The following MBTPS1 variants were observed in gnomAD, a reference collection of about 807,000 sequenced individuals.
MBTPS1 encodes the protein membrane bound transcription factor peptidase, site 1, also known as membrane-bound transcription factor site-1 protease.
MBTPS1 carries 94 observed loss-of-function variants against 127.8 expected under a neutral mutation model. The observed-to-expected ratio is 0.74, with a 90% CI of 0.62 to 0.87. The LOEUF is 0.87. MBTPS1 is among the 40% of genes least tolerant of loss of function. The probability of loss-of-function intolerance (pLI) is 0.00; values close to 1 mark genes in which losing one functional copy is unlikely to be tolerated. For missense variants in MBTPS1, 1,636 were observed against 1,353.2 expected (o/e 1.21, Z -3.28); for synonymous variants, 632 against 509.4 (o/e 1.24, Z -3.24).
chr16:84,085,108 C>T lies in MBTPS1; in HGVS notation c.1161G>A (p.Met387Ile), dbSNP rs2086001431. 1 of 1,614,250 alleles carries T rather than the reference C, an allele frequency of 6.2e-7. No homozygotes were observed. Among genetic ancestry groups the T allele is most frequent in the Non-Finnish European group, 8.5e-7 (1 of 1,180,050 alleles). The change falls in exon 10 of 23, where the codon ATG becomes ATA. Residue 387 changes from methionine (M) to isoleucine (I), a missense_variant. Transcript: ENST00000343411. The stretch of plus-strand genomic sequence containing the variant: ...CACCATAGGTGACAATGTCAGGTTT[C>T]ATGCGACCGTAGCCTCCTGGTAGCT... The part of the protein sequence containing the change: ...TWELPGGYGR[M>I]KPDIVTYGAG...
Position 84,065,117 on chromosome 16 carries a change from G to C in MBTPS1, c.2431+573C>G, listed in dbSNP as rs186514662. Among the ~76,000 whole-genome samples, 139 of 149,088 alleles carry C rather than the reference G, an allele frequency of 9.3e-4. 2 individuals carry two copies. In the East Asian group the frequency reaches 0.026, roughly 28 times the overall value. On this transcript the variant is annotated intron_variant, in intron 18 of 22. Coordinates refer to ENST00000343411, the MANE Select transcript of MBTPS1 (RefSeq NM_003791.4). ...AAAAAATTCATCAAGTAACCTTGAA[G>C]GTAGTTTTTTTTTTTTTTTTGAGAT...
intron 8 of MBTPS1, among the ~76,000 whole-genome samples, chr16:84,090,487 G>C (rs557771200): frequency 6.6e-6 from 1 of 152,136 alleles, no homozygotes; most frequent in East Asian, 1.9e-4. Flanking sequence ...AACCTCTTCC[G>C]TTTGCCTCTT....
chr16:84,100,999 C>CAAAAAAAAAAAAAAA (rs562200642), intron 2 of MBTPS1, among the ~76,000 whole-genome samples: 1 of 68,552 alleles, frequency 1.5e-5, no homozygotes, highest in Admixed American at 1.7e-4. Flanking sequence ...ACTAAAAATA[C>CAAAAAAAAAAAAAAA]AAAAAAAAAA....
intron 18 of MBTPS1, 38 bp from the exon 19 acceptor site, chr16:84,063,483 T>C (rs2085642716): frequency 3.1e-6 from 5 of 1,601,954 alleles, no homozygotes; most frequent in Non-Finnish European, 4.3e-6. Flanking sequence ...CCATGAGAGT[T>C]TCCACTGAGC....
intron 8 of MBTPS1, among the ~76,000 whole-genome samples, chr16:84,088,982 C>G (rs1326555157): frequency 1.3e-5 from 2 of 152,228 alleles, no homozygotes; most frequent in East Asian, 1.9e-4. Flanking sequence ...ACCATAAACT[C>G]ACAACTCTGG....
chr16:84,078,507 A>G (rs1341676145), intron 11 of MBTPS1, among the ~76,000 whole-genome samples: 1 of 152,072 alleles, frequency 6.6e-6, no homozygotes, highest in South Asian at 2.1e-4. Context: ...ACCTTACCTA[A>G]CAGAGCTACC....
chr16:84,074,687 G>A lies in MBTPS1; in HGVS notation c.1503C>T (p.Cys501=). ...LTECPYMWPY[C]SQPIYYGGMP... ...TTCCTCCATAGTAGATGGGCTGGGA[G>A]CAGTAGGGCCACATGTAGGGACACT... Residue 501 remains cysteine, a synonymous_variant, in exon 12 of 23, where the codon TGC becomes TGT. Coordinates refer to ENST00000343411, the MANE Select transcript of MBTPS1 (RefSeq NM_003791.4). 4.3e-6 allele frequency: 7 copies of A among 1,614,104 alleles called. No homozygotes were observed. The highest frequency in any genetic ancestry group is 5.9e-6 in the Non-Finnish European group (7 of 1,179,944).
intron 17 of MBTPS1, among the ~76,000 whole-genome samples, chr16:84,066,127 C>T (rs1478499270): frequency 1.3e-5 from 2 of 152,164 alleles, no homozygotes; most frequent in African/African-American, 2.4e-5. Context: ...GTTCTCAAAA[C>T]CAGCTACCAA....
intron 19 of MBTPS1, among the ~76,000 whole-genome samples, chr16:84,062,691 T>C (rs1468735415): frequency 6.6e-6 from 1 of 152,090 alleles, no homozygotes; most frequent in East Asian, 1.9e-4. Flanking sequence ...CTTTACAAAA[T>C]GAGAAAAATA....
intron 9 of MBTPS1, 55 bp from the exon 10 acceptor site, chr16:84,085,189 T>A: frequency 6.4e-7 from 1 of 1,557,302 alleles, no homozygotes; most frequent in Non-Finnish European, 8.8e-7. Flanking sequence ...TACAGCCGCA[T>A]GCAATCATGA....
chr16:84,084,017 T>C (rs953023173), intron 10 of MBTPS1, among the ~76,000 whole-genome samples: 1 of 152,224 alleles, frequency 6.6e-6, no homozygotes, highest in African/African-American at 2.4e-5. Flanking sequence ...TGGAGTGCAG[T>C]GGCACGATCT....
chr16:84,113,749 T>C (rs1344652236), intron 1 of MBTPS1, among the ~76,000 whole-genome samples: 1 of 152,228 alleles, frequency 6.6e-6, no homozygotes, highest in African/African-American at 2.4e-5. Context: ...ATGCCTTGCT[T>C]TGTAATAAAC....
At chr16:84,092,483 C>T (rs562073431) in intron 6 of MBTPS1, among the ~76,000 whole-genome samples, 1 of 152,230 alleles carries the variant, frequency 6.6e-6, no homozygotes, top group East Asian at 1.9e-4. Context: ...TATATTTTCT[C>T]ATATACACCA....
intron 21 of MBTPS1, among the ~76,000 whole-genome samples, 196 bp downstream of exon 21, chr16:84,059,106 C>CT (rs1444867732): frequency 6.6e-6 from 1 of 152,194 alleles, no homozygotes; most frequent in African/African-American, 2.4e-5. Context: ...ATCCAAAGCA[C>CT]TTTTTATGCA....
chr16:84,093,774 G>A lies in MBTPS1; in HGVS notation c.673C>T (p.His225Tyr). 1 of 1,614,030 alleles carries A rather than the reference G, an allele frequency of 6.2e-7. No homozygotes were observed. The highest frequency in any genetic ancestry group is 8.5e-7 in the Non-Finnish European group (1 of 1,179,954). The change falls in exon 5 of 23, where the codon CAT (histidine) becomes TAT (tyrosine). Residue 225 changes from histidine (H) to tyrosine (Y), a missense_variant. His to Tyr is a moderately conservative substitution (Grantham distance 83, BLOSUM62 2). Transcript: ENST00000343411. ...TCCTTCACATTTTTGAAGTGGGGAT[G>A]CTTCTCGCTCAGCCCAGTGTCAAAA... ...AVFDTGLSEK[H>Y]PHFKNVKERT...
chr16:84,060,115 C>G lies in MBTPS1; in HGVS notation c.2704+567G>C, dbSNP rs80324764. 498 of 153,144 alleles carry G rather than the reference C, an allele frequency of 3.3e-3. 1 individual carries two copies. The highest frequency in any genetic ancestry group is 4.9e-3 in the Non-Finnish European group (333 of 68,626). 9.5% of individuals were successfully genotyped at this position (153,144 alleles called of 1,614,324 possible). A position where few individuals can be genotyped will look rare whatever the true frequency, so the allele number is the denominator to read the frequency against. On this transcript the variant is annotated intron_variant, in intron 20 of 22. Transcript: ENST00000343411. Reference sequence around the variant, plus strand: ...CACTGATACCCACCCCACTAAGTGCCAAGCAGCTGGCGGCCCCACGGCACC... The same window carrying G: ...CACTGATACCCACCCCACTAAGTGCGAAGCAGCTGGCGGCCCCACGGCACC...
rs557148045 is a variant in MBTPS1 at position 84,074,486 on chromosome 16, G to A, written c.1593+111C>T. The A allele has an allele frequency of 9.6e-5, 104 of 1,084,328 alleles. 1 individual carries two copies. The South Asian group carries it at 9.6e-4, about 10-fold the overall frequency. The allele number at this position is 1,084,328 out of a possible 1,614,324, so 67.2% of individuals were successfully genotyped here. On this transcript the variant is annotated intron_variant, in intron 12 of 22. Coordinates refer to ENST00000343411, the MANE Select transcript of MBTPS1 (RefSeq NM_003791.4). ...TGGGCTCAAGTGATCCTCTCTCCTC[G>A]GCCTAGAACTTTTCCTTTTTTAACT...
chr16:84,055,222 G>C (rs2085504957), intron 22 of MBTPS1, among the ~76,000 whole-genome samples: 1 of 152,180 alleles, frequency 6.6e-6, no homozygotes, highest in African/African-American at 2.4e-5. Context: ...TTTACCTTCA[G>C]CGCACCCCGT....
chr16:84,068,922 A>G (rs1391547556), intron 14 of MBTPS1, among the ~76,000 whole-genome samples: 1 of 152,044 alleles, frequency 6.6e-6, no homozygotes, highest in Non-Finnish European at 1.5e-5. Flanking sequence ...TCCCTCCCAA[A>G]TGAGCTCACT....
Sources: gnomAD v4.1 joint callset for allele counts (sites outside exome capture counted in the v4.1 genomes callset) on GRCh38, gnomAD v4.1.1 for gene constraint, MANE v1.5 for transcripts, NCBI Gene and HGNC (gene_info 2026-07-23, HGNC 2026-07-21) for gene names.